The following ADAMTS9 variants were observed in gnomAD, a reference collection of about 807,000 sequenced individuals.
ADAMTS9 encodes A disintegrin and metalloproteinase with thrombospondin motifs 9.
ADAMTS9 carries 107 observed loss-of-function variants against 257.1 expected under a neutral mutation model. The ratio of observed to expected loss-of-function variants is 0.42; its 90% CI spans 0.36 to 0.49. The LOEUF (loss-of-function observed/expected upper bound fraction) is 0.49, where lower values mean the gene tolerates loss of function less well. Ranked by LOEUF, ADAMTS9 falls within the 20% of genes least tolerant of loss-of-function variation. The pLI, the probability that ADAMTS9 is intolerant of heterozygous loss-of-function variation, is 0.03. For synonymous variants in ADAMTS9, 982 were observed against 880.9 expected (o/e 1.11, Z -2.03); for missense variants, 2,353 against 2,469.1 (o/e 0.95, Z 1.00).
intron 27 of ADAMTS9, 31 bp from the exon 28 acceptor site, chr3:64,594,465 T>C: frequency 6.3e-7 from 1 of 1,598,628 alleles, no homozygotes; most frequent in Non-Finnish European, 8.5e-7. Flanking sequence ...GCTGCAGTTA[T>C]TTTGTCTGAA....
chr3:64,648,399 C>A (rs1213306592), intron 10 of ADAMTS9, among the ~76,000 whole-genome samples: 2 of 152,140 alleles, frequency 1.3e-5, no homozygotes, highest in Admixed American at 1.3e-4. Context: ...ACTTTTACTA[C>A]AAATGCATAT....
intron 37 of ADAMTS9, among the ~76,000 whole-genome samples, chr3:64,537,809 T>C (rs1316913083): frequency 1.3e-5 from 2 of 152,210 alleles, no homozygotes; most frequent in Admixed American, 6.5e-5. Flanking sequence ...GGCCAAGTTC[T>C]CCTGCCCAGA....
chr3:64,667,773 G>A (rs921134023), intron 3 of ADAMTS9, among the ~76,000 whole-genome samples: 1 of 152,094 alleles, frequency 6.6e-6, no homozygotes, highest in African/African-American at 2.4e-5. Flanking sequence ...TTTTCTCTGT[G>A]TCAGGCACTC....
At chr3:64,663,145 T>C (rs564510929) in intron 3 of ADAMTS9, among the ~76,000 whole-genome samples, 1 of 152,186 alleles carries the variant, frequency 6.6e-6, no homozygotes, top group East Asian at 1.9e-4. Context: ...ACAGATTCTT[T>C]TTCTCAAGTG....
intron 39 of ADAMTS9, among the ~76,000 whole-genome samples, chr3:64,517,416 G>GTGTTTTTTTTTTTTTTTTTT (rs2082789158): frequency 1.9e-5 from 1 of 52,638 alleles, no homozygotes; most frequent in South Asian, 1.5e-3. Context: ...ATTAAAAATG[G>GTGTTTTTTTTTTTTTTTTTT]TTTTTTTTTT....
Position 64,651,132 on chromosome 3 carries a change from A to C in ADAMTS9, c.1348T>G (p.Cys450Gly), listed in dbSNP as rs1700922032. 6.3e-7 allele frequency: 1 copy of C among 1,590,636 alleles called. No individual in the cohort carries two copies. Among genetic ancestry groups the C allele is most frequent in the Non-Finnish European group, 8.5e-7 (1 of 1,171,982 alleles). The change falls in exon 9 of 40, where the codon TGT becomes GGT. Residue 450 changes from cysteine (C) to glycine (G), a missense_variant. Transcript: ENST00000498707. ...GGACTCTTAACTCCTTCTTCTTTAC[A>C]TTTGTTGTTGTCATCATGAGGCATG... ...FNMPHDDNNKCKEEGVKSPQH... is the reference protein window; with the variant it reads ...FNMPHDDNNKGKEEGVKSPQH...
At chr3:64,569,069 C>G (rs927313126) in intron 28 of ADAMTS9, 1 of 154,482 alleles carries the variant, frequency 6.5e-6, no homozygotes, top group Non-Finnish European at 1.4e-5. Flanking sequence ...GGTAAGCTAG[C>G]AGGTAAGTCT....
chr3:64,610,502 C>T (rs969810953), intron 22 of ADAMTS9, among the ~76,000 whole-genome samples: 94 of 102,776 alleles, frequency 9.1e-4, no homozygotes, highest in African/African-American at 6.8e-3. Context: ...TAACACAATT[C>T]ATATTTTTTT....
intron 32 of ADAMTS9, among the ~76,000 whole-genome samples, chr3:64,545,216 T>C (rs2083181518): frequency 6.6e-6 from 1 of 152,158 alleles, no homozygotes; most frequent in Non-Finnish European, 1.5e-5. Flanking sequence ...CTCAAGGATC[T>C]AGAACGAGAA....
At chr3:64,606,161 A>C (rs1162163882) in intron 23 of ADAMTS9, among the ~76,000 whole-genome samples, 1 of 152,238 alleles carries the variant, frequency 6.6e-6, no homozygotes, top group African/African-American at 2.4e-5. Flanking sequence ...TATTAGAAGA[A>C]TATTTCCACA....
At position 64,609,387 on chromosome 3, in the gene ADAMTS9, G is replaced by T. The variant is rs138838266; in HGVS notation, c.3355-2308C>A. Among the ~76,000 whole-genome samples the T allele has an allele frequency of 8.7e-4, 133 of 152,060 alleles. 1 individual carries two copies. The highest frequency in any genetic ancestry group is 5.0e-3 in the South Asian group (24 of 4,826). ...ATCATACTATACATTGGAATCCCAA[G>T]AATCCATTAAAACTATTACTACAGC... On this transcript the variant is annotated intron_variant, in intron 22 of 39. Coordinates refer to ENST00000498707, the MANE Select transcript of ADAMTS9 (RefSeq NM_182920.2).
intron 22 of ADAMTS9, 47 bp from the exon 23 acceptor site, chr3:64,607,126 C>T (rs2084569904): frequency 6.3e-7 from 1 of 1,598,312 alleles, no homozygotes; most frequent in African/African-American, 1.3e-5. Context: ...CAAATCTTCT[C>T]TTTCCCTTAC....
At chr3:64,589,451 G>A (rs1008793496) in intron 28 of ADAMTS9, 19 of 152,170 alleles carry the variant, frequency 1.2e-4, no homozygotes, top group African/African-American at 3.9e-4. Context: ...TCCTATCACT[G>A]AAGTAGATTA....
At chr3:64,620,717 T>C (rs1700083244) in intron 19 of ADAMTS9, among the ~76,000 whole-genome samples, 2 of 152,156 alleles carry the variant, frequency 1.3e-5, no homozygotes, top group Admixed American at 6.5e-5. Flanking sequence ...TTCTACTGGG[T>C]GGTATACACT....
At chr3:64,656,984 T>C (rs1274425396) in intron 4 of ADAMTS9, among the ~76,000 whole-genome samples, 1 of 152,110 alleles carries the variant, frequency 6.6e-6, no homozygotes, top group East Asian at 1.9e-4. Context: ...ATGCTACGGC[T>C]GAAAATGAGA....
intron 22 of ADAMTS9, among the ~76,000 whole-genome samples, chr3:64,613,104 G>A (rs1213184805): frequency 1.3e-5 from 2 of 152,152 alleles, no homozygotes; most frequent in African/African-American, 2.4e-5. Context: ...TCAAGCTAAA[G>A]GGCAAAGATA....
intron 3 of ADAMTS9, among the ~76,000 whole-genome samples, chr3:64,668,650 G>C (rs1006737505): frequency 1.2e-4 from 18 of 152,174 alleles, no homozygotes; most frequent in Admixed American, 9.8e-4. Flanking sequence ...TGGTGGGTAG[G>C]AAGTCCTCTG....
chr3:64,687,569 C>A lies in ADAMTS9; in HGVS notation c.89G>T (p.Arg30Leu), dbSNP rs1231461637. The change falls in exon 1 of 40, where the codon CGC becomes CTC. Residue 30 changes from arginine to leucine, a missense_variant. Around this residue, in one of 3 missense-constraint regions of ADAMTS9, gnomAD observed 591 missense variants for 569.6 expected, o/e 1.04. Transcript: ENST00000498707. The surrounding 1 kb of genome is among the most constrained non-coding windows in gnomAD (Gnocchi z 4.4). ...MGSPDAAAAV[R>L]KDRLHPRQVK... ...TTGCCTCGGGTGCAGCCTGTCCTTGCGCACGGCCGCCGCGGCGTCTGGGCT... is the reference window on the plus strand; with the variant it reads ...TTGCCTCGGGTGCAGCCTGTCCTTGAGCACGGCCGCCGCGGCGTCTGGGCT... 1 of 1,564,146 alleles carries A rather than the reference C, an allele frequency of 6.4e-7. No individual in the cohort carries two copies. The highest frequency in any genetic ancestry group is 1.2e-5 in the South Asian group (1 of 84,804).
At chr3:64,578,636 C>T (rs2083918107) in intron 28 of ADAMTS9, among the ~76,000 whole-genome samples, 1 of 152,152 alleles carries the variant, frequency 6.6e-6, no homozygotes, top group Admixed American at 6.5e-5. Flanking sequence ...AGTGATGACG[C>T]CTACACATCT....
Sources: allele counts gnomAD v4.1 joint callset (sites outside exome capture counted in the v4.1 genomes callset), GRCh38; gene constraint gnomAD v4.1.1; regional missense constraint gnomAD v4.1.1; non-coding constraint Gnocchi (gnomAD v3.1); transcripts MANE v1.5; gene names NCBI Gene and HGNC (gene_info 2026-07-23, HGNC 2026-07-21).